The following SLIT2 variants were observed in gnomAD, a reference collection of about 807,000 sequenced individuals.
SLIT2 encodes the protein slit homolog 2 protein.
Under a neutral mutation model 185.7 loss-of-function variants are expected in SLIT2, and 41 were observed. The observed-to-expected ratio is 0.22, with a 90% CI of 0.17 to 0.29. The LOEUF (loss-of-function observed/expected upper bound fraction) is 0.29, where lower values mean the gene tolerates loss of function less well. SLIT2 is among the 10% of genes least tolerant of loss of function. The probability of loss-of-function intolerance (pLI) is 1.00; values close to 1 mark genes in which losing one functional copy is unlikely to be tolerated. For synonymous variants in SLIT2, 693 were observed against 680.2 expected (o/e 1.02, Z -0.29); for missense variants, 1,571 against 1,909.0 (o/e 0.82, Z 3.30).
chr4:20,579,303 A>AG (rs1300924704), intron 29 of SLIT2, among the ~76,000 whole-genome samples: 1 of 147,320 alleles, frequency 6.8e-6, no homozygotes, highest in African/African-American at 2.5e-5. Flanking sequence ...CGTCTAGGGA[A>AG]AAAAAAAAAA....
Position 20,252,353 on chromosome 4 carries a change from C to G in SLIT2, c.-1463C>G, listed in dbSNP as rs1018736024. 6.6e-6 allele frequency among the ~76,000 whole-genome samples: 1 copy of G among 152,120 alleles called. No individual in the cohort carries two copies. The highest frequency in any genetic ancestry group is 1.5e-5 in the Non-Finnish European group (1 of 68,018). ...TCTGAGTCGTCGCCCTCCCTCTCCC[C>G]GACCTCGCTCCCTGGAGCGGGAGGC... is the stretch of plus-strand genomic sequence containing the variant. On this transcript the variant is annotated 5_prime_UTR_variant, in exon 1 of 37. Coordinates refer to ENST00000504154, the MANE Select transcript of SLIT2 (RefSeq NM_004787.4).
Position 20,293,878 on chromosome 4 carries a change from C to T in SLIT2, c.395+24997C>T, listed in dbSNP as rs552780768. On this transcript the variant is annotated intron_variant, in intron 4 of 36. Transcript: ENST00000504154. ...TTCCTGTGTGAAGGTCCTCCCAAGA[C>T]TCTGTGCTGCCTGGTCTTTACCTGG... Among the ~76,000 whole-genome samples, 4 of 152,134 alleles carry T rather than the reference C, an allele frequency of 2.6e-5. No individual in the cohort carries two copies. In the South Asian group the frequency reaches 8.3e-4, roughly 32 times the overall value.
chr4:20,277,653 C>A (rs565630959), intron 4 of SLIT2, among the ~76,000 whole-genome samples: 15 of 150,496 alleles, frequency 1.0e-4, no homozygotes, highest in African/African-American at 3.6e-4. Context: ...CATATGCAAG[C>A]ATATTCTATT....
intron 22 of SLIT2, 43 bp from the exon 23 acceptor site, chr4:20,548,445 T>C: frequency 1.0e-6 from 1 of 983,380 alleles, no homozygotes; most frequent in Non-Finnish European, 1.6e-6. Context: ...AATATTTTCA[T>C]TTCTGTGGTT....
At chr4:20,563,074 G>A (rs1243029965) in intron 26 of SLIT2, among the ~76,000 whole-genome samples, 1 of 151,686 alleles carries the variant, frequency 6.6e-6, no homozygotes, top group African/African-American at 2.4e-5. Context: ...ATGGAATCGA[G>A]GTCCAACAGT....
At chr4:20,582,227 A>C (rs1726642319) in intron 29 of SLIT2, among the ~76,000 whole-genome samples, 2 of 152,114 alleles carry the variant, frequency 1.3e-5, no homozygotes, top group Non-Finnish European at 2.9e-5. Flanking sequence ...CCTGTTCTTC[A>C]TGCTGCCTCC....
intron 4 of SLIT2, among the ~76,000 whole-genome samples, chr4:20,321,749 C>A (rs1192385966): frequency 1.3e-5 from 2 of 152,158 alleles, no homozygotes; most frequent in East Asian, 3.9e-4. Context: ...CAGATTTTTT[C>A]TATTAGTCAC....
At position 20,417,436 on chromosome 4, in the gene SLIT2, G is replaced by GTGTGTATATATATATATATATA. The variant is rs1553898364; in HGVS notation, c.396-50315_396-50314insGTGTATATATATATATATATAT. On this transcript the variant is annotated intron_variant, in intron 4 of 36. Transcript: ENST00000504154. ...CGCAATCATATATATATGTGTGTGT[G>GTGTGTATATATATATATATATA]TATATATATATATATATATATACGT... 8.5e-4 allele frequency among the ~76,000 whole-genome samples: 105 copies of GTGTGTATATATATATATATATA among 123,672 alleles called. 2 individuals carry two copies. Among genetic ancestry groups the GTGTGTATATATATATATATATA allele is most frequent in the Non-Finnish European group, 1.5e-3 (83 of 56,748 alleles). The allele number at this position is 123,672 out of a possible 152,430, so 81.1% of individuals were successfully genotyped here.
At chr4:20,483,746 A>G (rs1716936042) in intron 6 of SLIT2, among the ~76,000 whole-genome samples, 1 of 152,074 alleles carries the variant, frequency 6.6e-6, no homozygotes, top group Non-Finnish European at 1.5e-5. Flanking sequence ...GTATTAGAAT[A>G]CTCATTACAA....
chr4:20,503,794 A>G (rs892477231), intron 9 of SLIT2, among the ~76,000 whole-genome samples: 4 of 152,200 alleles, frequency 2.6e-5, no homozygotes, highest in African/African-American at 9.6e-5. Flanking sequence ...TTAGAATGAC[A>G]TCACAAAATG....
At chr4:20,326,974 AT>A (rs2109186506) in intron 4 of SLIT2, among the ~76,000 whole-genome samples, 1 of 151,878 alleles carries the variant, frequency 6.6e-6, no homozygotes, top group Non-Finnish European at 1.5e-5. Context: ...CAAGATAATT[AT>A]TTTTGTAAAA....
intron 4 of SLIT2, among the ~76,000 whole-genome samples, chr4:20,369,713 A>G (rs1723421615): frequency 1.3e-5 from 2 of 151,904 alleles, no homozygotes; most frequent in South Asian, 2.1e-4. Context: ...TCCCTCTCCT[A>G]TGTCACTGCT....
chr4:20,450,666 G>T (rs994030681), intron 4 of SLIT2, among the ~76,000 whole-genome samples: 2 of 152,204 alleles, frequency 1.3e-5, no homozygotes, highest in South Asian at 4.1e-4. Context: ...AATACAAATA[G>T]TATATCTTTC....
intron 18 of SLIT2, among the ~76,000 whole-genome samples, chr4:20,535,924 G>A (rs1722231983): frequency 6.6e-6 from 1 of 152,038 alleles, no homozygotes; most frequent in African/African-American, 2.4e-5. Context: ...ATCCTAGAGT[G>A]GACTTACACA....
At chr4:20,521,940 C>A (rs889048552) in intron 12 of SLIT2, among the ~76,000 whole-genome samples, 7 of 152,078 alleles carry the variant, frequency 4.6e-5, no homozygotes, top group Non-Finnish European at 8.8e-5. Flanking sequence ...TGAGCTGTTA[C>A]AAATTTGTTA....
intron 4 of SLIT2, among the ~76,000 whole-genome samples, chr4:20,273,894 C>A (rs1015457960): frequency 2.0e-5 from 3 of 152,152 alleles, no homozygotes; most frequent in Non-Finnish European, 4.4e-5. Flanking sequence ...TTACTCTTGG[C>A]CTGTTTGGCC....
intron 4 of SLIT2, among the ~76,000 whole-genome samples, chr4:20,361,506 T>C (rs1235980388): frequency 2.6e-5 from 4 of 152,160 alleles, no homozygotes; most frequent in African/African-American, 9.7e-5. Flanking sequence ...TCCAAACTTA[T>C]AAAATGTTAG....
intron 6 of SLIT2, among the ~76,000 whole-genome samples, chr4:20,483,475 C>T (rs558248713): frequency 6.6e-6 from 1 of 152,138 alleles, no homozygotes; most frequent in South Asian, 2.1e-4. Context: ...AAATCTTGAT[C>T]AGTATTTTCC....
intron 4 of SLIT2, among the ~76,000 whole-genome samples, chr4:20,350,815 A>T (rs972583990): frequency 2.6e-5 from 4 of 152,032 alleles, no homozygotes; most frequent in African/African-American, 7.2e-5. Context: ...AAGAAGTAAG[A>T]CCCCATCTCT....
Sources: allele counts gnomAD v4.1 joint callset (sites outside exome capture counted in the v4.1 genomes callset), GRCh38; gene constraint gnomAD v4.1.1; transcripts MANE v1.5; gene names NCBI Gene and HGNC (gene_info 2026-07-23, HGNC 2026-07-21).